The following SMAP1 variants were observed in gnomAD, a reference collection of about 807,000 sequenced individuals.
SMAP1 encodes small ArfGAP 1.
A neutral mutation model predicts 58.5 loss-of-function variants in SMAP1; 24 were observed. That is an observed-to-expected ratio of 0.41 (90% CI 0.30 to 0.58). SMAP1 has a LOEUF of 0.58. SMAP1 is among the 20% of genes least tolerant of loss of function. SMAP1 has a pLI of 0.29. For synonymous variants in SMAP1, 216 were observed against 196.6 expected (o/e 1.10, Z -0.82); for missense variants, 563 against 566.3 (o/e 0.99, Z 0.06).
rs140171524 is a variant in SMAP1, at chr6:70,829,977, G to A, written c.577-6964G>A. The stretch of plus-strand genomic sequence containing the variant: ...ATTCAATTATATTCTGTGGGGTAGC[G>A]TTAATGAATCACAAAAAGATTGGGT... On this transcript the variant is annotated intron_variant, in intron 6 of 10. Transcript: ENST00000370455. 7.3e-3 allele frequency among the ~76,000 whole-genome samples: 1,108 copies of A among 152,212 alleles called. 8 individuals carry two copies. Among genetic ancestry groups the A allele is most frequent in the Non-Finnish European group, 0.01 (683 of 68,014 alleles).
At chr6:70,674,417 T>C (rs952363444) in intron 1 of SMAP1, among the ~76,000 whole-genome samples, 4 of 152,160 alleles carry the variant, frequency 2.6e-5, no homozygotes, top group Non-Finnish European at 5.9e-5. Context: ...CCAGCCCCTT[T>C]TGCTTATTTC....
chr6:70,685,575 G>A (rs139646718), intron 1 of SMAP1, among the ~76,000 whole-genome samples: 3,579 of 152,330 alleles, frequency 0.023, 52 homozygotes, highest in Non-Finnish European at 0.037. Flanking sequence ...GTTATTTCAT[G>A]TAGGAATAAC....
chr6:70,688,529 G>T (rs1248807727), intron 1 of SMAP1, among the ~76,000 whole-genome samples: 1 of 152,106 alleles, frequency 6.6e-6, no homozygotes, highest in African/African-American at 2.4e-5. Context: ...CTTCAATTTG[G>T]ATTCTCCTAG....
Position 70,861,474 on chromosome 6 carries a change from G to A in SMAP1, c.*1140G>A. 1.7e-6 allele frequency: 1 copy of A among 589,702 alleles called. No individual in the cohort carries two copies. The highest frequency in any genetic ancestry group is 3.0e-6 in the Non-Finnish European group (1 of 331,078). The allele number at this position is 589,702 out of a possible 1,614,324, so 36.5% of individuals were successfully genotyped here. A position where few individuals can be genotyped will look rare whatever the true frequency, so the allele number is the denominator to read the frequency against. On this transcript the variant is annotated 3_prime_UTR_variant, in exon 11 of 11. Transcript: ENST00000370455. ...CAAATGAAGACAAAACATACATTTT[G>A]TACCAACCATCCAATTAGCTTATGT...
chr6:70,847,284 A>T (rs1459378980), intron 7 of SMAP1, among the ~76,000 whole-genome samples: 3 of 152,168 alleles, frequency 2.0e-5, no homozygotes, highest in Non-Finnish European at 4.4e-5. Context: ...CAGTGTCATG[A>T]TGTGAAGTGG....
intron 6 of SMAP1, among the ~76,000 whole-genome samples, chr6:70,808,016 A>G (rs1302210032): frequency 6.6e-6 from 1 of 151,830 alleles, no homozygotes; most frequent in Non-Finnish European, 1.5e-5. Flanking sequence ...TAAGCTAGAG[A>G]AAATCAGAAA....
chr6:70,828,926 G>A (rs1770249128), intron 6 of SMAP1, among the ~76,000 whole-genome samples: 1 of 152,144 alleles, frequency 6.6e-6, no homozygotes, highest in South Asian at 2.1e-4. Context: ...CATGCCTATA[G>A]TTCCAGCTAC....
intron 6 of SMAP1, among the ~76,000 whole-genome samples, chr6:70,835,736 G>T (rs539723267): frequency 1.8e-4 from 27 of 151,972 alleles, no homozygotes; most frequent in African/African-American, 6.3e-4. Context: ...CAAACTCCTG[G>T]GCTTAAGGGA....
chr6:70,768,899 T>A (rs2149907263), intron 3 of SMAP1, among the ~76,000 whole-genome samples: 1 of 152,272 alleles, frequency 6.6e-6, no homozygotes, highest in East Asian at 1.9e-4. Context: ...GTGCTATAAA[T>A]TTCCCTCTAC....
chr6:70,815,118 G>A (rs367578453), intron 6 of SMAP1, among the ~76,000 whole-genome samples: 1 of 152,122 alleles, frequency 6.6e-6, no homozygotes, highest in African/African-American at 2.4e-5. Context: ...CTAATTGCTC[G>A]TAAGTGGTAC....
intron 7 of SMAP1, among the ~76,000 whole-genome samples, chr6:70,848,657 G>A (rs1385132174): frequency 6.6e-6 from 1 of 152,088 alleles, no homozygotes; most frequent in African/African-American, 2.4e-5. Context: ...CTTGCATCGG[G>A]ACAAAAATGA....
chr6:70,751,663 T>C (rs1299358519), intron 2 of SMAP1, among the ~76,000 whole-genome samples: 4 of 152,266 alleles, frequency 2.6e-5, no homozygotes, highest in African/African-American at 9.6e-5. Context: ...CTTTGAATTT[T>C]TAGTGATTTA....
At chr6:70,722,896 C>T (rs1004790020) in intron 1 of SMAP1, among the ~76,000 whole-genome samples, 2 of 152,314 alleles carry the variant, frequency 1.3e-5, no homozygotes, top group East Asian at 1.9e-4. Context: ...ATGGCCATCA[C>T]GAACATGTCA....
At chr6:70,739,555 A>G (rs934722964) in intron 2 of SMAP1, among the ~76,000 whole-genome samples, 4 of 152,132 alleles carry the variant, frequency 2.6e-5, no homozygotes, top group African/African-American at 4.8e-5. Flanking sequence ...TTTCTTTTAG[A>G]CCAAAAATAC....
At chr6:70,808,152 C>A (rs1769218721) in intron 6 of SMAP1, among the ~76,000 whole-genome samples, 1 of 152,108 alleles carries the variant, frequency 6.6e-6, no homozygotes, top group African/African-American at 2.4e-5. Flanking sequence ...CTTCCTGTCT[C>A]AGAGGTGGCA....
intron 1 of SMAP1, among the ~76,000 whole-genome samples, chr6:70,721,642 A>T (rs181919852): frequency 1.1e-3 from 164 of 152,232 alleles, no homozygotes; most frequent in African/African-American, 3.0e-3. Flanking sequence ...ATCTGTTTTC[A>T]TGCTGCTGAT....
chr6:70,736,005 TTG>T (rs202130484), intron 2 of SMAP1, among the ~76,000 whole-genome samples: 2 of 151,360 alleles, frequency 1.3e-5, no homozygotes, highest in Admixed American at 6.6e-5. Flanking sequence ...AAAATGTTCT[TTG>T]TGTGTGTGTG....
chr6:70,672,496 A>C (rs1766310390), intron 1 of SMAP1, among the ~76,000 whole-genome samples: 1 of 152,186 alleles, frequency 6.6e-6, no homozygotes, highest in African/African-American at 2.4e-5. Context: ...CAACACCCTG[A>C]ATCTTTTATT....
chr6:70,835,414 G>A (rs1185264822), intron 6 of SMAP1, among the ~76,000 whole-genome samples: 1 of 152,194 alleles, frequency 6.6e-6, no homozygotes, highest in African/African-American at 2.4e-5. Flanking sequence ...ATGAACTCAT[G>A]TAACAACTAA....
Sources: allele counts gnomAD v4.1 joint callset (sites outside exome capture counted in the v4.1 genomes callset), GRCh38; gene constraint gnomAD v4.1.1; transcripts MANE v1.5; gene names NCBI Gene and HGNC (gene_info 2026-07-23, HGNC 2026-07-21).